NDUFAF5: variants seen among roughly 807,000 people sequenced by gnomAD.
NDUFAF5 encodes the protein NADH:ubiquinone oxidoreductase complex assembly factor 5, also known as arginine-hydroxylase NDUFAF5, mitochondrial.
NDUFAF5 carries 34 observed loss-of-function variants against 48.9 expected under a neutral mutation model. The ratio of observed to expected loss-of-function variants is 0.70; its 90% CI spans 0.53 to 0.93. The LOEUF (loss-of-function observed/expected upper bound fraction) is 0.93. NDUFAF5 is among the 40% of genes least tolerant of loss of function. NDUFAF5 has a pLI of 0.00. For missense variants in NDUFAF5, 428 were observed against 427.5 expected (o/e 1.00, Z -0.01); for synonymous variants, 153 against 150.6 (o/e 1.02, Z -0.12).
chr20:13,808,743 C>T, intron 7 of NDUFAF5, 99 bp from the exon 8 acceptor site: 1 of 735,468 alleles, frequency 1.4e-6, no homozygotes, highest in Non-Finnish European at 2.4e-6. Context: ...TTTTGCTTAG[C>T]ATGGGAGATT....
chr20:13,804,489 T>A (rs1984705878), intron 7 of NDUFAF5, among the ~76,000 whole-genome samples: 2 of 152,072 alleles, frequency 1.3e-5, no homozygotes, highest in Non-Finnish European at 1.5e-5. Context: ...TTTCTGAAAC[T>A]TTTTTTATTA....
At chr20:13,808,616 C>T (rs1046530504) in intron 7 of NDUFAF5, among the ~76,000 whole-genome samples, 1 of 152,056 alleles carries the variant, frequency 6.6e-6, no homozygotes, top group Non-Finnish European at 1.5e-5. Context: ...GAACTAGAAC[C>T]AATGATGGAG....
Position 13,801,628 on chromosome 20 carries a change from C to T in NDUFAF5, c.662C>T (p.Ala221Val), listed in dbSNP as rs1224418048. Reference protein sequence around the residue: ...GFSPHISPFTAVNDLGHLLGR... With the variant: ...GFSPHISPFTVVNDLGHLLGR... ...TCTCCACACATTTCTCCTTTCACTG[C>T]TGTCAATGACCTGGGACATCTGCTT... The change falls in exon 7 of 11, where the codon GCT becomes GTT. Residue 221 changes from alanine to valine, a missense_variant. By Grantham distance (64) the Ala-to-Val change is moderately conservative (BLOSUM62 0). Transcript: ENST00000378106. The T allele has an allele frequency of 6.2e-7, 1 of 1,614,082 alleles. No homozygotes were observed. Among genetic ancestry groups the T allele is most frequent in the Admixed American group, 1.7e-5 (1 of 60,016 alleles).
intron 2 of NDUFAF5, among the ~76,000 whole-genome samples, chr20:13,787,885 T>C (rs1981477236): frequency 6.6e-6 from 1 of 151,996 alleles, no homozygotes; most frequent in Non-Finnish European, 1.5e-5. Flanking sequence ...AGTTTTCTTA[T>C]TATAGGTTTT....
In NDUFAF5 at chr20:13,793,246, C is replaced by G. The variant is rs756244920; in HGVS notation, c.375+19C>G. On this transcript the variant is annotated intron_variant, in intron 4 of 10. Transcript: ENST00000378106. ...TGCTTTGGTAGGTAGCTTTTTAATA[C>G]TGTTGGTTTCTAATCTCGTGATGTG... The G allele has an allele frequency of 6.3e-6, 10 of 1,585,700 alleles. No individual in the cohort carries two copies. Among genetic ancestry groups the G allele is most frequent in the Non-Finnish European group, 7.8e-6 (9 of 1,154,828 alleles).
At chr20:13,800,117 G>A (rs753545214) in intron 6 of NDUFAF5, among the ~76,000 whole-genome samples, 9 of 152,068 alleles carry the variant, frequency 5.9e-5, no homozygotes, top group Admixed American at 3.9e-4. Context: ...AGATGACTTT[G>A]GACTTCTGAG....
intron 5 of NDUFAF5, among the ~76,000 whole-genome samples, chr20:13,798,253 G>A (rs531014309): frequency 6.6e-6 from 1 of 152,276 alleles, no homozygotes; most frequent in South Asian, 2.1e-4. Flanking sequence ...ATATTGACAT[G>A]GGGAATTTTC....
Position 13,818,289 on chromosome 20 carries a change from T to C in NDUFAF5, c.*1079T>C, listed in dbSNP as rs967680755. 2.2e-6 allele frequency: 1 copy of C among 447,070 alleles called. No individual in the cohort carries two copies. The highest frequency in any genetic ancestry group is 2.0e-5 in the African/African-American group (1 of 49,740). The allele number at this position is 447,070 out of a possible 1,614,324, so 27.7% of individuals were successfully genotyped here. ...ACTTGCCCTTTGAAAGACTAAGTTATAGTTAAAAACCAAGATTTGTAGGAG... is the reference window on the plus strand; with the variant it reads ...ACTTGCCCTTTGAAAGACTAAGTTACAGTTAAAAACCAAGATTTGTAGGAG... On this transcript the variant is annotated 3_prime_UTR_variant, in exon 11 of 11. Coordinates refer to ENST00000378106, the MANE Select transcript of NDUFAF5 (RefSeq NM_024120.5).
chr20:13,799,044 T>C (rs6105169), intron 6 of NDUFAF5, among the ~76,000 whole-genome samples: 52,555 of 151,954 alleles, frequency 0.35, 9,330 homozygotes, highest in Middle Eastern at 0.49. Context: ...AAAGTTTGGA[T>C]TGGGAAGGCA....
intron 7 of NDUFAF5, among the ~76,000 whole-genome samples, chr20:13,803,802 G>T (rs7261734): frequency 1.5e-4 from 22 of 150,802 alleles, no homozygotes; most frequent in South Asian, 2.1e-4. Flanking sequence ...TTTTTTTTGG[G>T]GGGGGGACAG....
At chr20:13,813,699 G>A (rs973368996) in intron 8 of NDUFAF5, among the ~76,000 whole-genome samples, 1 of 152,146 alleles carries the variant, frequency 6.6e-6, no homozygotes, top group Non-Finnish European at 1.5e-5. Flanking sequence ...TGCAAAAGAG[G>A]CAGCACCTAA....
chr20:13,793,140 A>C (rs1352984194), intron 3 of NDUFAF5, 40 bp from the exon 4 acceptor site: 1 of 1,611,524 alleles, frequency 6.2e-7, no homozygotes, highest in African/African-American at 1.3e-5. Flanking sequence ...ATTGTTTGTG[A>C]CTGGATTTGT....
Position 13,816,520 on chromosome 20 carries a change from T to G in NDUFAF5, c.836T>G (p.Met279Arg), listed in dbSNP as rs761389904. 8.1e-6 allele frequency: 13 copies of G among 1,614,000 alleles called. No individual in the cohort carries two copies. In the East Asian group the frequency reaches 2.9e-4, roughly 36 times the overall value. ...NRKALLHRDT[M>R]LAAAAVYREM... Reference sequence around the variant, plus strand: ...AAAGCCCTGCTGCATCGAGACACAATGCTGGCAGCTGCGGCAGTGTACAGA... The same window carrying G: ...AAAGCCCTGCTGCATCGAGACACAAGGCTGGCAGCTGCGGCAGTGTACAGA... Residue 279 changes from methionine to arginine, a missense_variant, in exon 9 of 11, where the codon ATG (methionine) becomes AGG (arginine). By Grantham distance (91) the Met-to-Arg change is moderately conservative. Coordinates refer to ENST00000378106, the MANE Select transcript of NDUFAF5 (RefSeq NM_024120.5).
chr20:13,812,259 A>G (rs1985967243), intron 8 of NDUFAF5, among the ~76,000 whole-genome samples: 1 of 152,138 alleles, frequency 6.6e-6, no homozygotes, highest in Admixed American at 6.5e-5. Context: ...AAATCTTACC[A>G]TTGTCATCAG....
chr20:13,793,521 G>C lies in NDUFAF5; in HGVS notation c.375+294G>C, dbSNP rs80082676. 6.2e-3 allele frequency among the ~76,000 whole-genome samples: 940 copies of C among 151,674 alleles called. 6 individuals are homozygous for C. The highest frequency in any genetic ancestry group is 0.021 in the African/African-American group (888 of 41,306). ...TATGCTAATATTCCATGTTATTTAC[G>C]GCACATCATTTTTTTTGTCAGTGAA... On this transcript the variant is annotated intron_variant, in intron 4 of 10. Coordinates refer to ENST00000378106, the MANE Select transcript of NDUFAF5 (RefSeq NM_024120.5).
intron 5 of NDUFAF5, 51 bp from the exon 6 acceptor site, chr20:13,798,410 T>G (rs907461077): frequency 9.1e-6 from 12 of 1,314,798 alleles, no homozygotes; most frequent in African/African-American, 4.4e-5. Flanking sequence ...ATAATTTTAC[T>G]AATTAATTGT....
In NDUFAF5 at chr20:13,816,921, C is replaced by CTAT. The variant is rs751661137; in HGVS notation, c.912_914dup (p.Tyr305dup). The CTAT allele has an allele frequency of 6.2e-7, 1 of 1,609,446 alleles. No individual in the cohort carries two copies. The highest frequency in any genetic ancestry group is 1.1e-5 in the South Asian group (1 of 90,956). On this transcript the variant is annotated inframe_insertion, in exon 10 of 11. Coordinates refer to ENST00000378106, the MANE Select transcript of NDUFAF5 (RefSeq NM_024120.5). The stretch of plus-strand genomic sequence containing the variant: ...GTTCAGTACCTGCTACATACCAGAT[C>CTAT]TATTACATGATAGGATGGAAATATC...
chr20:13,794,286 CT>C (rs1034061555), intron 4 of NDUFAF5, among the ~76,000 whole-genome samples: 28 of 145,824 alleles, frequency 1.9e-4, no homozygotes, highest in Admixed American at 3.4e-4. Flanking sequence ...CTTCTTTTTT[CT>C]TTTTTTTTTT....
chr20:13,811,953 G>T (rs1054840173), intron 8 of NDUFAF5, among the ~76,000 whole-genome samples: 1 of 152,148 alleles, frequency 6.6e-6, no homozygotes, highest in Non-Finnish European at 1.5e-5. Flanking sequence ...AAAGAAAGAG[G>T]ATTATACAAA....
Sources: allele counts gnomAD v4.1 joint callset (sites outside exome capture counted in the v4.1 genomes callset), GRCh38; gene constraint gnomAD v4.1.1; transcripts MANE v1.5; gene names NCBI Gene and HGNC (gene_info 2026-07-23, HGNC 2026-07-21).